Variants in RAD54B observed in about 807,000 individuals in gnomAD.
RAD54B encodes the protein DNA repair and recombination protein RAD54B.
RAD54B carries 78 observed loss-of-function variants against 95.8 expected under a neutral mutation model. The observed-to-expected ratio is 0.81, with a 90% confidence interval of 0.68 to 0.98. The LOEUF is 0.98. Among genes scored for constraint, RAD54B ranks in the 50% least tolerant of loss-of-function variants. The pLI, the probability that RAD54B is intolerant of heterozygous loss-of-function variation, is 0.00. For missense variants in RAD54B, 957 were observed against 1,056.6 expected (o/e 0.91, Z 1.31); for synonymous variants, 328 against 354.9 (o/e 0.92, Z 0.85).
At chr8:94,436,035 A>G (rs914211170) in intron 3 of RAD54B, among the ~76,000 whole-genome samples, 20 of 152,144 alleles carry the variant, frequency 1.3e-4, no homozygotes, top group African/African-American at 4.8e-4. Context: ...CATATATTCA[A>G]TAAGTGTAGA....
chr8:94,464,664 G>A (rs557464226), intron 2 of RAD54B, among the ~76,000 whole-genome samples: 2 of 152,302 alleles, frequency 1.3e-5, no homozygotes, highest in East Asian at 1.9e-4. Flanking sequence ...AAACCACTGA[G>A]TTGTAGTAAG....
chr8:94,473,478 T>C lies in RAD54B; in HGVS notation c.-17+1523A>G, dbSNP rs552753152. On this transcript the variant is annotated intron_variant, in intron 1 of 14. Coordinates refer to ENST00000336148, the MANE Select transcript of RAD54B (RefSeq NM_012415.3). ...TCTTTAAGAGGGGGTACCATAATCA[T>C]GCTTACACACCGGACTGTTGGGAGG... Among the ~76,000 whole-genome samples the C allele has an allele frequency of 3.3e-5, 5 of 152,214 alleles. No homozygotes were observed. The South Asian group carries it at 1.0e-3, about 32-fold the overall frequency.
intron 5 of RAD54B, among the ~76,000 whole-genome samples, chr8:94,406,027 C>CACACACACACACACAT (rs11281421): frequency 2.7e-3 from 412 of 150,520 alleles, no homozygotes; most frequent in African/African-American, 9.2e-3. Flanking sequence ...CACACACACA[C>CACACACACACACACAT]ATATATATAA....
At chr8:94,389,843 T>C (rs1810973335) in intron 10 of RAD54B, among the ~76,000 whole-genome samples, 1 of 152,220 alleles carries the variant, frequency 6.6e-6, no homozygotes, top group Non-Finnish European at 1.5e-5. Flanking sequence ...CCTATGCCTA[T>C]TATTAGTGAC....
intron 8 of RAD54B, among the ~76,000 whole-genome samples, chr8:94,395,861 A>G (rs1288455973): frequency 6.6e-6 from 1 of 152,188 alleles, no homozygotes; most frequent in Non-Finnish European, 1.5e-5. Context: ...ACATAACCAG[A>G]ATCCTTGATG....
At chr8:94,459,218 C>T (rs1160569017) in intron 2 of RAD54B, among the ~76,000 whole-genome samples, 1 of 151,822 alleles carries the variant, frequency 6.6e-6, no homozygotes, top group Non-Finnish European at 1.5e-5. Context: ...AGTGTCACGA[C>T]CATAGCTCAT....
intron 14 of RAD54B, among the ~76,000 whole-genome samples, chr8:94,372,610 C>T (rs147678687): frequency 6.6e-5 from 10 of 152,298 alleles, no homozygotes; most frequent in African/African-American, 2.2e-4. Flanking sequence ...GGCATGGTCT[C>T]TGACTTCAAG....
Position 94,467,390 on chromosome 8 carries a change from CT to C in RAD54B, c.135+14del, listed in dbSNP as rs1385650309. On this transcript the variant is annotated intron_variant, in intron 2 of 14. Coordinates refer to ENST00000336148, the MANE Select transcript of RAD54B (RefSeq NM_012415.3). The stretch of plus-strand genomic sequence containing the variant: ...TCTCTATATTATCTATATCATGAGT[CT>C]TTTTTTGCCTTACCTCAAATAATTT... The C allele has an allele frequency of 4.4e-6, 7 of 1,588,760 alleles. No individual in the cohort carries two copies. Among genetic ancestry groups the C allele is most frequent in the Admixed American group, 3.5e-5 (2 of 57,348 alleles).
At chr8:94,470,771 A>G (rs74746319) in intron 1 of RAD54B, among the ~76,000 whole-genome samples, 1 of 50,782 alleles carries the variant, frequency 2.0e-5, no homozygotes, top group Non-Finnish European at 3.9e-5. Context: ...GAAAACAAAG[A>G]AAAAAAAAAA....
intron 14 of RAD54B, among the ~76,000 whole-genome samples, chr8:94,374,710 G>GA (rs1586113519): frequency 1.3e-5 from 2 of 151,782 alleles, no homozygotes; most frequent in Non-Finnish European, 2.9e-5. Flanking sequence ...AAACCATAAT[G>GA]AAAAAAATAT....
intron 11 of RAD54B, among the ~76,000 whole-genome samples, chr8:94,382,551 G>A (rs1371795973): frequency 6.6e-6 from 1 of 152,152 alleles, no homozygotes; most frequent in Non-Finnish European, 1.5e-5. Context: ...AGCAAAATGT[G>A]AAATTCAGAA....
intron 3 of RAD54B, among the ~76,000 whole-genome samples, chr8:94,434,720 C>CTT (rs1812209175): frequency 6.6e-6 from 1 of 151,114 alleles, no homozygotes. Flanking sequence ...AAGAAATAAG[C>CTT]TAATACAGAG....
intron 3 of RAD54B, among the ~76,000 whole-genome samples, chr8:94,457,235 G>A (rs777324246): frequency 3.0e-4 from 45 of 152,282 alleles, no homozygotes; most frequent in Non-Finnish European, 5.1e-4. Context: ...AAGGAAGGAG[G>A]AAGTGGGGAA....
intron 2 of RAD54B, among the ~76,000 whole-genome samples, chr8:94,462,617 G>A (rs112322610): frequency 3.9e-5 from 6 of 152,170 alleles, no homozygotes; most frequent in African/African-American, 1.4e-4. Flanking sequence ...CTCACTATAG[G>A]TTAATTCAAT....
At chr8:94,383,755 C>T (rs1408881405) in intron 11 of RAD54B, among the ~76,000 whole-genome samples, 1 of 151,806 alleles carries the variant, frequency 6.6e-6, no homozygotes, top group African/African-American at 2.4e-5. Context: ...GATAAGATAG[C>T]CAAAAAGCAC....
intron 4 of RAD54B, among the ~76,000 whole-genome samples, chr8:94,409,378 C>CT (rs910847332): frequency 0.014 from 1,952 of 144,218 alleles, 42 homozygotes; most frequent in African/African-American, 0.047. Context: ...CTTTTTCTTT[C>CT]TTTTTTTTTT....
intron 3 of RAD54B, among the ~76,000 whole-genome samples, chr8:94,435,657 A>T (rs1391479381): frequency 6.6e-6 from 1 of 152,142 alleles, no homozygotes; most frequent in African/African-American, 2.4e-5. Flanking sequence ...GAAAATTCCA[A>T]GGCAAATAGT....
chr8:94,432,136 G>C (rs1167584569), intron 3 of RAD54B: 1 of 1,522,194 alleles, frequency 6.6e-7, no homozygotes, highest in Non-Finnish European at 8.8e-7. Flanking sequence ...AAAACTTAGA[G>C]ACTGTTATAT....
Position 94,458,354 on chromosome 8 carries a change from G to C in RAD54B, c.218C>G (p.Thr73Ser). 1 of 1,609,396 alleles carries C rather than the reference G, an allele frequency of 6.2e-7. No individual in the cohort carries two copies. The highest frequency in any genetic ancestry group is 8.5e-7 in the Non-Finnish European group (1 of 1,178,092). The change falls in exon 3 of 15, where the codon ACT (threonine) becomes AGT (serine). Residue 73 changes from threonine (T) to serine (S), a missense_variant. By Grantham distance (58) the Thr-to-Ser change is moderately conservative (BLOSUM62 1). Transcript: ENST00000336148. The part of the protein sequence containing the change: ...CSLNLPSEES[T>S]REINNRDNCS... ...ATTATCTCTGTTATTGATTTCTCTA[G>C]TACTTTCTTCACTAGGCAGATTTAA...
Sources: allele counts gnomAD v4.1 joint callset (sites outside exome capture counted in the v4.1 genomes callset), GRCh38; gene constraint gnomAD v4.1.1; transcripts MANE v1.5; gene names NCBI Gene and HGNC (gene_info 2026-07-23, HGNC 2026-07-21).